The following FRMD3 variants were observed in gnomAD, a reference collection of about 807,000 sequenced individuals.
FRMD3 encodes FERM domain containing 3, also known as FERM domain-containing protein 3.
In FRMD3, 33 loss-of-function variants were observed where a neutral mutation model predicts 70.2. That is an observed-to-expected ratio of 0.47 (90% CI 0.36 to 0.63). The LOEUF is 0.63. Among genes scored for constraint, FRMD3 ranks in the 20% least tolerant of loss-of-function variants. FRMD3 has a pLI of 0.00. For missense variants in FRMD3, 632 were observed against 711.4 expected, an observed-to-expected ratio of 0.89 and a Z score of 1.27; for synonymous variants, 279 against 255.9, an observed-to-expected ratio of 1.09 and a Z score of -0.86.
intron 12 of FRMD3, among the ~76,000 whole-genome samples, chr9:83,296,371 T>C (rs1834662298): frequency 6.6e-6 from 1 of 152,180 alleles, no homozygotes; most frequent in Non-Finnish European, 1.5e-5. Flanking sequence ...GGTGCTGCTG[T>C]CATCCCATAC....
upstream of FRMD3, among the ~76,000 whole-genome samples, chr9:83,542,726 C>T (rs1830012537): frequency 1.3e-5 from 2 of 152,088 alleles, no homozygotes; most frequent in South Asian, 2.1e-4. Flanking sequence ...GTGATCAAGG[C>T]AGTATGGTAC....
intron 1 of FRMD3, among the ~76,000 whole-genome samples, chr9:83,515,354 C>A (rs556386943): frequency 6.6e-6 from 1 of 151,214 alleles, no homozygotes; most frequent in Non-Finnish European, 1.5e-5. Context: ...ATCAATCAAG[C>A]GGAAAAAAGG....
intron 10 of FRMD3, among the ~76,000 whole-genome samples, chr9:83,305,097 A>G (rs1256287508): frequency 2.0e-5 from 3 of 152,212 alleles, no homozygotes; most frequent in African/African-American, 7.2e-5. Context: ...GGAACAAACC[A>G]TCTAGGAAAC....
chr9:83,313,589 C>T (rs1176637658), intron 7 of FRMD3, 71 bp downstream of exon 7: 7 of 1,215,374 alleles, frequency 5.8e-6, no homozygotes, highest in Non-Finnish European at 7.3e-6. Context: ...CTCTGCCAGG[C>T]CTGCGCACAG....
chr9:83,499,578 T>C (rs975431698), intron 1 of FRMD3, among the ~76,000 whole-genome samples: 1 of 152,136 alleles, frequency 6.6e-6, no homozygotes, highest in Non-Finnish European at 1.5e-5. Context: ...TACAAAAAAA[T>C]TCATCCTACA....
At chr9:83,307,086 T>C (rs1248603221) in intron 10 of FRMD3, among the ~76,000 whole-genome samples, 1 of 152,234 alleles carries the variant, frequency 6.6e-6, no homozygotes, top group African/African-American at 2.4e-5. Context: ...CATGTCATGG[T>C]AGATCTTGTT....
Position 83,476,066 on chromosome 9 carries a change from C to T in FRMD3, c.147+62019G>A, listed in dbSNP as rs139028133. Among the ~76,000 whole-genome samples the T allele has an allele frequency of 2.4e-3, 359 of 152,102 alleles. 2 individuals carry two copies. The highest frequency in any genetic ancestry group is 4.7e-3 in the Admixed American group (72 of 15,266). On this transcript the variant is annotated intron_variant, in intron 1 of 13. Transcript: ENST00000304195. ...AAAAATAAGTGCTGTATCCTTGGGC[C>T]GACAATAGTAAAGTATATAGTTAAA... is the stretch of plus-strand genomic sequence containing the variant.
chr9:83,248,209 C>T lies in FRMD3; in HGVS notation c.1503G>A (p.Leu501=). The change falls in exon 14 of 14, where the codon CTG becomes CTA. Residue 501 remains leucine (L), a synonymous_variant. Coordinates refer to ENST00000304195, the MANE Select transcript of FRMD3 (RefSeq NM_174938.6). ...NAFLIAEEEE[L]KEARRALSWS... is the part of the protein sequence containing the mutation. ...ACGACAAAGCACGGCGAGCCTCCTT[C>T]AGCTCCTCTTCTTCAGCAATCAAAA... 6.2e-7 allele frequency: 1 copy of T among 1,614,198 alleles called. No homozygotes were observed. Among genetic ancestry groups the T allele is most frequent in the Non-Finnish European group, 8.5e-7 (1 of 1,180,030 alleles).
intron 13 of FRMD3, chr9:83,267,099 G>A: frequency 6.4e-7 from 1 of 1,550,730 alleles, no homozygotes; most frequent in Non-Finnish European, 8.7e-7. Context: ...TGCAATTGGA[G>A]GCTTCGTCGA....
the FRMD3 span, among the ~76,000 whole-genome samples, chr9:83,575,207 A>G: frequency 7.9e-5 from 12 of 152,090 alleles, no homozygotes; most frequent in African/African-American, 2.9e-4. Context: ...AACTTAAGGG[A>G]AAAAAAAGAA....
intron 1 of FRMD3, among the ~76,000 whole-genome samples, chr9:83,531,562 G>A (rs1829792533): frequency 6.6e-6 from 1 of 152,194 alleles, no homozygotes; most frequent in African/African-American, 2.4e-5. Context: ...CTGATTTTCA[G>A]TAGACTCTGA....
intron 3 of FRMD3, among the ~76,000 whole-genome samples, chr9:83,350,460 C>CAA (rs35261102): frequency 8.3e-5 from 11 of 132,882 alleles, no homozygotes; most frequent in East Asian, 6.4e-4. Flanking sequence ...ACTAAAAATA[C>CAA]AAAAAAAAAA....
chr9:83,485,071 C>G (rs1443850581), intron 1 of FRMD3, among the ~76,000 whole-genome samples: 1 of 152,184 alleles, frequency 6.6e-6, no homozygotes. Context: ...TCTATCTGGG[C>G]CTTTCACTAA....
intron 6 of FRMD3, chr9:83,331,974 G>C (rs1461051057): frequency 7.2e-6 from 5 of 692,932 alleles, no homozygotes; most frequent in African/African-American, 1.8e-5. Flanking sequence ...GACCTTCCAG[G>C]GCTCTTTTCC....
At chr9:83,272,315 C>T (rs1317397031) in intron 13 of FRMD3, among the ~76,000 whole-genome samples, 2 of 151,970 alleles carry the variant, frequency 1.3e-5, no homozygotes, top group Non-Finnish European at 2.9e-5. Context: ...GCTGTGTTGG[C>T]CGGGCTGGTC....
chr9:83,399,266 T>G (rs1825887566), intron 1 of FRMD3, among the ~76,000 whole-genome samples: 1 of 152,222 alleles, frequency 6.6e-6, no homozygotes, highest in Non-Finnish European at 1.5e-5. Flanking sequence ...AACGTTTGCC[T>G]CTTTTTGTTT....
chr9:83,579,968 A>G, the FRMD3 span, among the ~76,000 whole-genome samples: 1 of 152,152 alleles, frequency 6.6e-6, no homozygotes, highest in Non-Finnish European at 1.5e-5. Flanking sequence ...AAATAGGTAA[A>G]GAATCTGAAT....
intron 4 of FRMD3, among the ~76,000 whole-genome samples, chr9:83,346,034 T>G (rs1456210215): frequency 6.6e-6 from 1 of 152,116 alleles, no homozygotes. Flanking sequence ...GGCAGGCGGA[T>G]AGCCTGAGGT....
the FRMD3 span, among the ~76,000 whole-genome samples, chr9:83,554,080 T>C: frequency 6.6e-6 from 1 of 152,238 alleles, no homozygotes. Context: ...GTGGCTTTAT[T>C]TGAAGCTGAC....
Sources: allele counts gnomAD v4.1 joint callset (sites outside exome capture counted in the v4.1 genomes callset), GRCh38; gene constraint gnomAD v4.1.1; transcripts MANE v1.5; gene names NCBI Gene and HGNC (gene_info 2026-07-23, HGNC 2026-07-21).